Variants in BNC2 observed in about 807,000 individuals in gnomAD.
The protein encoded by BNC2 is zinc finger protein basonuclin-2.
A neutral mutation model predicts 76.3 loss-of-function variants in BNC2; 20 were observed. That is an observed-to-expected ratio of 0.26 (90% CI 0.18 to 0.38). BNC2 has a LOEUF of 0.38. Ranked by LOEUF, BNC2 falls within the 10% of genes least tolerant of loss-of-function variation. The pLI is 1.00. For synonymous variants in BNC2, 582 were observed against 514.8 expected, an observed-to-expected ratio of 1.13 and a Z score of -1.77; for missense variants, 1,382 against 1,399.8, an observed-to-expected ratio of 0.99 and a Z score of 0.20.
At chr9:16,431,872 A>G (rs1820916329) in intron 6 of BNC2, among the ~76,000 whole-genome samples, 1 of 152,158 alleles carries the variant, frequency 6.6e-6, no homozygotes, top group African/African-American at 2.4e-5. Context: ...CACTCCTGTG[A>G]GAATCTAATG....
At chr9:16,852,124 C>T (rs1819141789) in intron 1 of BNC2, among the ~76,000 whole-genome samples, 1 of 152,120 alleles carries the variant, frequency 6.6e-6, no homozygotes, top group Non-Finnish European at 1.5e-5. Flanking sequence ...TACAGAGATA[C>T]ATTTTGCTTT....
chr9:16,768,584 A>G (rs1255056533), intron 1 of BNC2, among the ~76,000 whole-genome samples: 1 of 152,148 alleles, frequency 6.6e-6, no homozygotes. Context: ...GAGATGAAAG[A>G]GAAAGAGCTG....
chr9:16,540,232 A>G (rs1238964463), intron 5 of BNC2, among the ~76,000 whole-genome samples: 1 of 151,378 alleles, frequency 6.6e-6, no homozygotes, highest in African/African-American at 2.4e-5. Context: ...GAAATTCTCA[A>G]ACTTGCAAAA....
chr9:16,454,781 G>A (rs1484260584), intron 5 of BNC2, among the ~76,000 whole-genome samples: 2 of 152,128 alleles, frequency 1.3e-5, no homozygotes, highest in African/African-American at 4.8e-5. Context: ...AGTCACATTT[G>A]CAAATGTAGA....
Position 16,437,146 on chromosome 9 carries a change from A to T in BNC2, c.1048T>A (p.Leu350Met). 1 of 1,613,998 alleles carries T rather than the reference A, an allele frequency of 6.2e-7. No individual in the cohort carries two copies. Among genetic ancestry groups the T allele is most frequent in the South Asian group, 1.1e-5 (1 of 91,072 alleles). ...GAAAGGCTGGGTTCCCGCAGCCTCA[A>T]CCCTGGTTGCTCTAACAGTAGCCCA... is the stretch of plus-strand genomic sequence containing the variant. Reference protein sequence around the residue: ...PNGLLLEQPGLRLREPSLSTQ... With the variant: ...PNGLLLEQPGMRLREPSLSTQ... The change falls in exon 6 of 7, where the codon TTG becomes ATG. Residue 350 changes from leucine (L) to methionine (M), a missense_variant. Leu to Met is a conservative substitution (Grantham distance 15). This residue lies in a region of BNC2 where 557 missense variants were observed against 540.9 expected (regional missense o/e 1.03). Transcript: ENST00000380672.
rs553157480 is a variant in BNC2, at chr9:16,742,052, G to A, written c.4-3567C>T. Among the ~76,000 whole-genome samples the A allele has an allele frequency of 2.1e-3, 323 of 151,408 alleles. 2 individuals are homozygous for A. Among genetic ancestry groups the A allele is most frequent in the African/African-American group, 7.6e-3 (313 of 41,286 alleles). On this transcript the variant is annotated intron_variant, in intron 1 of 6. Coordinates refer to ENST00000380672, the MANE Select transcript of BNC2 (RefSeq NM_017637.6). ...TGTCATTATGCAGCATTCTCATAGT[G>A]TATAGTTCTTATGAAGAAAATAAAG...
At chr9:16,794,784 C>G (rs1817601345) in intron 1 of BNC2, among the ~76,000 whole-genome samples, 1 of 152,164 alleles carries the variant, frequency 6.6e-6, no homozygotes. Flanking sequence ...GTTTAGACCT[C>G]TCAATCACTC....
At chr9:16,774,956 A>G (rs1028237361) in intron 1 of BNC2, among the ~76,000 whole-genome samples, 1 of 152,212 alleles carries the variant, frequency 6.6e-6, no homozygotes, top group African/African-American at 2.4e-5. Context: ...ATGCTCAGTT[A>G]TATCTGTCAT....
At chr9:16,820,422 G>A (rs778748242) in intron 1 of BNC2, among the ~76,000 whole-genome samples, 10 of 150,434 alleles carry the variant, frequency 6.6e-5, no homozygotes, top group Admixed American at 2.0e-4. Flanking sequence ...GCAAAATTTC[G>A]TTCCAAAAAA....
At chr9:16,483,679 G>C (rs1026461276) in intron 5 of BNC2, among the ~76,000 whole-genome samples, 5 of 152,144 alleles carry the variant, frequency 3.3e-5, no homozygotes, top group African/African-American at 1.2e-4. Context: ...TCAAATCCAA[G>C]CAAATTCACA....
At chr9:16,614,958 TAAAAAA>T (rs60545823) in intron 3 of BNC2, among the ~76,000 whole-genome samples, 1 of 62,520 alleles carries the variant, frequency 1.6e-5, no homozygotes, top group African/African-American at 6.6e-5. Flanking sequence ...TCTGTCTCTT[TAAAAAA>T]AAAAAAAAAA....
In BNC2 at chr9:16,581,048, C is replaced by G. The variant is rs1819617426; in HGVS notation, c.433+1935G>C. On this transcript the variant is annotated intron_variant, in intron 4 of 6. Transcript: ENST00000380672. Reference sequence around the variant, plus strand: ...GCTCTGTACCTATTACCCAGCAAAACCAATACTTCTTCAGAGAAAAAAAGG... The same window carrying G: ...GCTCTGTACCTATTACCCAGCAAAAGCAATACTTCTTCAGAGAAAAAAAGG... Among the ~76,000 whole-genome samples, 4 of 152,114 alleles carry G rather than the reference C, an allele frequency of 2.6e-5. No individual in the cohort carries two copies. In the South Asian group the frequency reaches 8.3e-4, roughly 32 times the overall value.
chr9:16,426,289 G>A (rs540608786), intron 6 of BNC2, among the ~76,000 whole-genome samples: 1 of 150,840 alleles, frequency 6.6e-6, no homozygotes, highest in African/African-American at 2.4e-5. Context: ...AAAATAATAG[G>A]AGCTAATTTT....
At chr9:16,644,828 CTCTT>C (rs1165165397) in intron 3 of BNC2, among the ~76,000 whole-genome samples, 1 of 152,162 alleles carries the variant, frequency 6.6e-6, no homozygotes, top group Non-Finnish European at 1.5e-5. Context: ...GGTTTCTTTT[CTCTT>C]TCTCTTTCTT....
intron 6 of BNC2, among the ~76,000 whole-genome samples, chr9:16,421,010 A>G (rs2119094866): frequency 6.6e-6 from 1 of 152,352 alleles, no homozygotes; most frequent in East Asian, 1.9e-4. Flanking sequence ...GAAATGACCT[A>G]AATGGCTGAT....
intron 3 of BNC2, among the ~76,000 whole-genome samples, chr9:16,621,186 G>A (rs188746476): frequency 1.0e-3 from 158 of 152,276 alleles, no homozygotes; most frequent in Non-Finnish European, 1.5e-3. Flanking sequence ...TTGAGGATCT[G>A]GAGAGCAGAC....
intron 3 of BNC2, among the ~76,000 whole-genome samples, chr9:16,691,647 C>A (rs1428594179): frequency 6.7e-6 from 1 of 149,436 alleles, no homozygotes; most frequent in Non-Finnish European, 1.5e-5. Context: ...GTAGCTGGGA[C>A]TACAAGCACC....
At chr9:16,756,500 T>C (rs1238934163) in intron 1 of BNC2, among the ~76,000 whole-genome samples, 1 of 152,162 alleles carries the variant, frequency 6.6e-6, no homozygotes. Context: ...TTCCAATACA[T>C]TCTTCAAATT....
Position 16,413,271 on chromosome 9 carries a change from C to G in BNC2, c.*5718G>C, listed in dbSNP as rs1474656437. The G allele has an allele frequency of 6.6e-6, 1 of 151,176 alleles. No homozygotes were observed. The highest frequency in any genetic ancestry group is 2.4e-5 in the African/African-American group (1 of 41,094). 9.4% of individuals were successfully genotyped at this position (151,176 alleles called of 1,614,324 possible). A position where few individuals can be genotyped will look rare whatever the true frequency, so the allele number is the denominator to read the frequency against. ...AAGAATAAAGATAGTTTTATGACAACTATAGTATGTTGCTCCAAAAATATA... is the reference window on the plus strand; with the variant it reads ...AAGAATAAAGATAGTTTTATGACAAGTATAGTATGTTGCTCCAAAAATATA... On this transcript the variant is annotated 3_prime_UTR_variant, in exon 7 of 7. Transcript: ENST00000380672.
Sources: gnomAD v4.1 joint callset for allele counts (sites outside exome capture counted in the v4.1 genomes callset) on GRCh38, gnomAD v4.1.1 for gene constraint, gnomAD v4.1.1 regional missense constraint, MANE v1.5 for transcripts, NCBI Gene and HGNC (gene_info 2026-07-23, HGNC 2026-07-21) for gene names.